The following CADPS2 variants were observed in gnomAD, a reference collection of about 807,000 sequenced individuals.
The protein encoded by CADPS2 is calcium-dependent secretion activator 2.
CADPS2 carries 93 observed loss-of-function variants against 172.5 expected under a neutral mutation model. The ratio of observed to expected loss-of-function variants is 0.54; its 90% CI spans 0.46 to 0.64. The LOEUF is 0.64. CADPS2 is among the 30% of genes least tolerant of loss of function. The pLI is 0.00. For synonymous variants in CADPS2, 546 were observed against 555.2 expected (o/e 0.98, Z 0.23); for missense variants, 1,420 against 1,565.9 (o/e 0.91, Z 1.57).
At chr7:122,355,372 G>A (rs960635057) in intron 27 of CADPS2, among the ~76,000 whole-genome samples, 9 of 152,152 alleles carry the variant, frequency 5.9e-5, no homozygotes, top group African/African-American at 1.7e-4. Flanking sequence ...CCTGAAGTCA[G>A]GAGTTTCAGA....
intron 1 of CADPS2, among the ~76,000 whole-genome samples, chr7:122,865,475 A>G (rs1012197722): frequency 1.3e-5 from 2 of 152,216 alleles, no homozygotes; most frequent in African/African-American, 4.8e-5. Flanking sequence ...TGAGGCAACA[A>G]TTCTAAGCCA....
intron 1 of CADPS2, among the ~76,000 whole-genome samples, chr7:122,859,600 C>T (rs1414391467): frequency 1.3e-5 from 2 of 152,122 alleles, no homozygotes; most frequent in East Asian, 3.9e-4. Flanking sequence ...TTTAATTACA[C>T]ACATATGACT....
intron 7 of CADPS2, among the ~76,000 whole-genome samples, chr7:122,558,662 T>C (rs1191939224): frequency 3.3e-5 from 5 of 152,130 alleles, no homozygotes; most frequent in African/African-American, 1.2e-4. Context: ...GAGGAAAAAC[T>C]AAGACTTAAA....
rs754272784 is a variant in CADPS2, at chr7:122,407,651, A to C, written c.2635T>G (p.Phe879Val). The C allele has an allele frequency of 1.2e-6, 2 of 1,611,974 alleles. No individual in the cohort carries two copies. The highest frequency in any genetic ancestry group is 1.7e-6 in the Non-Finnish European group (2 of 1,178,998). Residue 879 changes from phenylalanine to valine, a missense_variant, in exon 20 of 30, where the codon TTT becomes GTT. By Grantham distance (50) the Phe-to-Val change is conservative. Coordinates refer to ENST00000449022, the MANE Select transcript of CADPS2 (RefSeq NM_017954.11). Reference protein sequence around the residue: ...PDLLAEHAEKFWALFTVDMDT... With the variant: ...PDLLAEHAEKVWALFTVDMDT... ...ATATCCACTGTAAATAAAGCCCAAAATTTCTCTGCATGTTCAGCCAATAAA... is the reference window on the plus strand; with the variant it reads ...ATATCCACTGTAAATAAAGCCCAAACTTTCTCTGCATGTTCAGCCAATAAA...
intron 6 of CADPS2, among the ~76,000 whole-genome samples, chr7:122,610,021 G>A (rs1040013059): frequency 6.6e-6 from 1 of 151,990 alleles, no homozygotes; most frequent in Non-Finnish European, 1.5e-5. Flanking sequence ...CTGCCCCTGG[G>A]ATACCATGAT....
At chr7:122,502,065 T>G (rs915860702) in intron 9 of CADPS2, among the ~76,000 whole-genome samples, 1 of 152,216 alleles carries the variant, frequency 6.6e-6, no homozygotes, top group East Asian at 1.9e-4. Context: ...AGTTATTATT[T>G]CAGATAGCAC....
chr7:122,326,579 CAGG>C (rs1036940553), intron 28 of CADPS2, among the ~76,000 whole-genome samples: 5 of 151,918 alleles, frequency 3.3e-5, no homozygotes, highest in African/African-American at 4.8e-5. Flanking sequence ...TTTTGAAAGA[CAGG>C]AGATTTTGTG....
intron 1 of CADPS2, among the ~76,000 whole-genome samples, chr7:122,749,782 G>A (rs2092870503): frequency 6.6e-6 from 1 of 151,872 alleles, no homozygotes. Flanking sequence ...AAGGATTTGT[G>A]AGGATTAAAC....
intron 15 of CADPS2, among the ~76,000 whole-genome samples, chr7:122,450,009 A>G (rs952531012): frequency 1.3e-5 from 2 of 152,204 alleles, no homozygotes; most frequent in Non-Finnish European, 2.9e-5. Flanking sequence ...TCCTTTCAAT[A>G]TCATTTAAAA....
intron 28 of CADPS2, among the ~76,000 whole-genome samples, chr7:122,327,722 AC>A (rs2034153992): frequency 6.6e-6 from 1 of 152,014 alleles, no homozygotes; most frequent in Non-Finnish European, 1.5e-5. Context: ...TTTATATATA[AC>A]TTATTTAATA....
At chr7:122,457,868 T>C (rs1415085177) in intron 14 of CADPS2, among the ~76,000 whole-genome samples, 1 of 152,144 alleles carries the variant, frequency 6.6e-6, no homozygotes, top group African/African-American at 2.4e-5. Flanking sequence ...AGCAAGCTTG[T>C]GGATTGAATA....
chr7:122,339,222 G>A (rs76208440), intron 28 of CADPS2, among the ~76,000 whole-genome samples: 6,407 of 152,170 alleles, frequency 0.042, 244 homozygotes, highest in African/African-American at 0.1. Flanking sequence ...TACATTATCA[G>A]CTCTAAATAC....
intron 20 of CADPS2, among the ~76,000 whole-genome samples, chr7:122,399,656 G>GTTTGTTTTTTTTTTT (rs1563239204): frequency 1.1e-5 from 1 of 94,550 alleles, no homozygotes; most frequent in Non-Finnish European, 2.4e-5. Flanking sequence ...TCAAGGGTGG[G>GTTTGTTTTTTTTTTT]TTTCTTTTTT....
chr7:122,705,677 A>G (rs2086966238), intron 2 of CADPS2, among the ~76,000 whole-genome samples: 3 of 65,706 alleles, frequency 4.6e-5, no homozygotes, highest in South Asian at 3.7e-4. Context: ...AATATATTAT[A>G]TAATATATCA....
intron 1 of CADPS2, among the ~76,000 whole-genome samples, chr7:122,817,666 T>C (rs993623370): frequency 2.0e-5 from 3 of 151,870 alleles, no homozygotes; most frequent in African/African-American, 7.3e-5. Flanking sequence ...CCCCAATCCC[T>C]TCTCTCCTTG....
intron 1 of CADPS2, among the ~76,000 whole-genome samples, chr7:122,882,788 G>A (rs987690265): frequency 6.6e-6 from 1 of 152,062 alleles, no homozygotes; most frequent in Non-Finnish European, 1.5e-5. Context: ...ATCATTGTTA[G>A]CACTGGGGTG....
intron 1 of CADPS2, among the ~76,000 whole-genome samples, chr7:122,842,932 C>T (rs530184098): frequency 6.6e-6 from 1 of 152,230 alleles, no homozygotes; most frequent in South Asian, 2.1e-4. Context: ...GCCTTCAAAG[C>T]CTTTCAGTGA....
At chr7:122,464,533 T>C (rs1180184870) in intron 14 of CADPS2, among the ~76,000 whole-genome samples, 1 of 152,090 alleles carries the variant, frequency 6.6e-6, no homozygotes, top group Non-Finnish European at 1.5e-5. Flanking sequence ...TATAAAAAAA[T>C]AAAAATGACA....
At position 122,812,245 on chromosome 7, in the gene CADPS2, T is replaced by TA. The variant is rs551683894; in HGVS notation, c.339+73753dup. ...ATGACCCATTGATAGAAAACTGAAG[T>TA]AAAAAAAAATAAGTAGCACTTATTC... On this transcript the variant is annotated intron_variant, in intron 1 of 29. Coordinates refer to ENST00000449022, the MANE Select transcript of CADPS2 (RefSeq NM_017954.11). Among the ~76,000 whole-genome samples the TA allele has an allele frequency of 8.0e-4, 121 of 150,770 alleles. 1 individual carries two copies. Among genetic ancestry groups the TA allele is most frequent in the Middle Eastern group, 3.4e-3 (1 of 294 alleles).
Sources: allele counts gnomAD v4.1 joint callset (sites outside exome capture counted in the v4.1 genomes callset), GRCh38; gene constraint gnomAD v4.1.1; transcripts MANE v1.5; gene names NCBI Gene and HGNC (gene_info 2026-07-23, HGNC 2026-07-21).